The following ASPM variants were observed in gnomAD, a reference collection of about 807,000 sequenced individuals.
ASPM encodes assembly factor for spindle microtubules, also known as abnormal spindle-like microcephaly-associated protein.
A neutral mutation model predicts 366.4 loss-of-function variants in ASPM; 256 were observed. The observed-to-expected ratio is 0.70, with a 90% CI of 0.63 to 0.77. The LOEUF (loss-of-function observed/expected upper bound fraction) is 0.77. Ranked by LOEUF, ASPM falls within the 30% of genes least tolerant of loss-of-function variation. The pLI is 0.00. For missense variants in ASPM, 4,146 were observed against 4,090.4 expected (o/e 1.01, Z -0.37); for synonymous variants, 1,414 against 1,342.9 (o/e 1.05, Z -1.16).
At chr1:197,129,456 T>G in intron 8 of ASPM, 139 bp from the exon 9 acceptor site, 1 of 870,196 alleles carries the variant, frequency 1.1e-6, no homozygotes, top group South Asian at 1.7e-5. Flanking sequence ...ACTATGTGCC[T>G]TTTTTAGTGC....
chr1:197,118,549 C>T (rs1657807650), intron 16 of ASPM, among the ~76,000 whole-genome samples: 3 of 152,002 alleles, frequency 2.0e-5, no homozygotes, highest in Admixed American at 2.0e-4. Flanking sequence ...TCAAAGAGGA[C>T]CCAGCTCCCT....
At chr1:197,146,034 G>T (rs1476418037) in intron 1 of ASPM, 107 bp downstream of exon 1, 2 of 1,397,220 alleles carry the variant, frequency 1.4e-6, no homozygotes, top group Non-Finnish European at 1.0e-6. Flanking sequence ...TTCTCTAAGG[G>T]TCTTTTCTGA....
intron 7 of ASPM, among the ~76,000 whole-genome samples, chr1:197,130,766 T>C (rs552169479): frequency 1.2e-3 from 189 of 152,294 alleles, no homozygotes; most frequent in Non-Finnish European, 1.6e-3. Context: ...AGTAATAAGG[T>C]ACCTGTAAAA....
chr1:197,100,055 C>G (rs952576046), intron 18 of ASPM, among the ~76,000 whole-genome samples: 1 of 151,668 alleles, frequency 6.6e-6, no homozygotes, highest in African/African-American at 2.4e-5. Flanking sequence ...ATTAGAGGAA[C>G]AAAGTTACTC....
chr1:197,104,602 C>T lies in ASPM; in HGVS notation c.4649G>A (p.Arg1550Lys). The T allele has an allele frequency of 1.2e-6, 2 of 1,612,900 alleles. No homozygotes were observed. Among genetic ancestry groups the T allele is most frequent in the Non-Finnish European group, 1.7e-6 (2 of 1,179,382 alleles). Residue 1550 changes from arginine (R) to lysine (K), a missense_variant, in exon 18 of 28, where the codon AGA becomes AAA. Coordinates refer to ENST00000367409, the MANE Select transcript of ASPM (RefSeq NM_018136.5). ...TCTACATAAATTATGAGCTTTCAGT[C>T]TCCTAAAAGCAGCTTGTAATTGAAT... The part of the protein sequence containing the change: ...AAIQLQAAFR[R>K]LKAHNLCRQI...
At chr1:197,086,239 G>A (rs1314704006) in intron 27 of ASPM, among the ~76,000 whole-genome samples, 3 of 151,762 alleles carry the variant, frequency 2.0e-5, no homozygotes, top group Admixed American at 1.3e-4. Context: ...AAGGAAAGAA[G>A]GAAGGAAGGG....
chr1:197,130,855 T>C (rs1658234812), intron 7 of ASPM, among the ~76,000 whole-genome samples: 1 of 152,190 alleles, frequency 6.6e-6, no homozygotes, highest in Non-Finnish European at 1.5e-5. Flanking sequence ...AGTTTGTGCT[T>C]AGCTACATAA....
At position 197,143,722 on chromosome 1, in the gene ASPM, T is replaced by G; in HGVS notation, c.530A>C (p.Lys177Thr). ...AACTTTTTGGGAAACACTAAATGTT[T>G]TATTAACATTCTGAATATTTGAAAC... ...RRVSNIQNVN[K>T]TFSVSQKVDR... The change falls in exon 3 of 28, where the codon AAA becomes ACA. Residue 177 changes from lysine (K) to threonine (T), a missense_variant. Physicochemically the swap from Lys to Thr is moderately conservative, Grantham distance 78. This residue lies in a region of ASPM where 512 missense variants were observed against 471.7 expected (regional missense o/e 1.09). Coordinates refer to ENST00000367409, the MANE Select transcript of ASPM (RefSeq NM_018136.5). 1 of 1,613,620 alleles carries G rather than the reference T, an allele frequency of 6.2e-7. No individual in the cohort carries two copies. The highest frequency in any genetic ancestry group is 8.5e-7 in the Non-Finnish European group (1 of 1,179,680).
chr1:197,102,171 G>A lies in ASPM; in HGVS notation c.7080C>T (p.Ala2360=), dbSNP rs753287861. The A allele has an allele frequency of 5.0e-6, 8 of 1,612,716 alleles. No homozygotes were observed. The highest frequency in any genetic ancestry group is 6.8e-6 in the Non-Finnish European group (8 of 1,179,238). ...LHMRYQALKQ[A]SVVIQQQYQA... The stretch of plus-strand genomic sequence containing the variant: ...GGTATTGCTGTTGGATCACAACGGA[G>A]GCCTGTTTCAAAGCCTGATATCTCA... Residue 2360 remains alanine (A), a synonymous_variant, in exon 18 of 28, where the codon GCC becomes GCT. Coordinates refer to ENST00000367409, the MANE Select transcript of ASPM (RefSeq NM_018136.5).
At chr1:197,098,005 T>C (rs1258537321) in intron 18 of ASPM, among the ~76,000 whole-genome samples, 2 of 149,426 alleles carry the variant, frequency 1.3e-5, no homozygotes, top group Non-Finnish European at 3.0e-5. Flanking sequence ...TTTACAAATA[T>C]ATATATATAT....
chr1:197,101,267 T>C lies in ASPM; in HGVS notation c.7984A>G (p.Thr2662Ala). 6.2e-7 allele frequency: 1 copy of C among 1,612,144 alleles called. No individual in the cohort carries two copies. The highest frequency in any genetic ancestry group is 1.1e-5 in the South Asian group (1 of 91,042). Residue 2662 changes from threonine (T) to alanine (A), a missense_variant, in exon 18 of 28, where the codon ACT (threonine) becomes GCT (alanine). Physicochemically the swap from Thr to Ala is moderately conservative, Grantham distance 58. Coordinates refer to ENST00000367409, the MANE Select transcript of ASPM (RefSeq NM_018136.5). ...VSIQRRYRKL[T>A]AVRTQAVICI... ...ATAACTGCTTGGGTACGCACTGCAG[T>C]TAGTTTTCTGTATCTTCTTTGAATA...
At chr1:197,138,985 T>C in intron 4 of ASPM, 2 of 723,618 alleles carry the variant, frequency 2.8e-6, no homozygotes, top group Non-Finnish European at 2.5e-6. Flanking sequence ...CAACTCTTCT[T>C]CTCTCTGACA....
intron 4 of ASPM, among the ~76,000 whole-genome samples, chr1:197,136,406 T>G (rs2151134): frequency 0.76 from 115,987 of 152,044 alleles, 48,570 homozygotes; most frequent in East Asian, 1. Context: ...ATTTTCTACA[T>G]GATTTAAAAG....
In ASPM at chr1:197,086,976, C is replaced by G. The variant is rs1430786994; in HGVS notation, c.10162-4G>C. On this transcript the variant is annotated splice_polypyrimidine_tract_variant and splice_region_variant and intron_variant, in intron 26 of 27. Transcript: ENST00000367409. The stretch of plus-strand genomic sequence containing the variant: ...CTTTGGACCTACTTCGTACATCCTA[C>G]AAAATAAAATGCACAGTTACTAAAA... 1.9e-6 allele frequency: 3 copies of G among 1,604,784 alleles called. No individual in the cohort carries two copies. The Admixed American group carries it at 5.0e-5, about 27-fold the overall frequency.
At chr1:197,110,060 G>A (rs1476879193) in intron 17 of ASPM, among the ~76,000 whole-genome samples, 1 of 151,842 alleles carries the variant, frequency 6.6e-6, no homozygotes, top group Non-Finnish European at 1.5e-5. Flanking sequence ...TATTTTTTGA[G>A]GACATAGAAA....
At chr1:197,137,009 T>C (rs1658440051) in intron 4 of ASPM, among the ~76,000 whole-genome samples, 1 of 152,188 alleles carries the variant, frequency 6.6e-6, no homozygotes, top group African/African-American at 2.4e-5. Context: ...CTATGGATCA[T>C]ACTATTATTA....
intron 10 of ASPM, 37 bp downstream of exon 10, chr1:197,128,453 T>A: frequency 6.4e-7 from 1 of 1,570,630 alleles, no homozygotes; most frequent in Non-Finnish European, 8.8e-7. Flanking sequence ...TGTTAGTCTA[T>A]TCCATTAAGC....
At chr1:197,087,209 G>C (rs905774622) in intron 26 of ASPM, among the ~76,000 whole-genome samples, 9 of 151,852 alleles carry the variant, frequency 5.9e-5, no homozygotes, top group African/African-American at 1.9e-4. Context: ...CAAGTAGCTG[G>C]GATTACAGGC....
chr1:197,088,090 C>A, intron 26 of ASPM, 166 bp downstream of exon 26: 2 of 650,478 alleles, frequency 3.1e-6, no homozygotes, highest in Non-Finnish European at 5.1e-6. Flanking sequence ...CAGAAAGAAA[C>A]AACTCATAGA....
Sources: gnomAD v4.1 joint callset for allele counts (sites outside exome capture counted in the v4.1 genomes callset) on GRCh38, gnomAD v4.1.1 for gene constraint, gnomAD v4.1.1 regional missense constraint, MANE v1.5 for transcripts, NCBI Gene and HGNC (gene_info 2026-07-23, HGNC 2026-07-21) for gene names.